The following ARHGAP39 variants were observed in gnomAD, a reference collection of about 807,000 sequenced individuals.
The protein encoded by ARHGAP39 is rho GTPase-activating protein 39.
Under a neutral mutation model 106.9 loss-of-function variants are expected in ARHGAP39, and 44 were observed. The ratio of observed to expected loss-of-function variants is 0.41; its 90% CI spans 0.32 to 0.53. The LOEUF is 0.53. Ranked by LOEUF, ARHGAP39 falls within the 20% of genes least tolerant of loss-of-function variation. The pLI is 0.21. For synonymous variants in ARHGAP39, 768 were observed against 693.2 expected, an observed-to-expected ratio of 1.11 and a Z score of -1.69; for missense variants, 1,496 against 1,577.3, an observed-to-expected ratio of 0.95 and a Z score of 0.87.
At chr8:144,615,571 T>C (rs1820613907) in intron 1 of ARHGAP39, among the ~76,000 whole-genome samples, 1 of 152,248 alleles carries the variant, frequency 6.6e-6, no homozygotes, top group South Asian at 2.1e-4. Context: ...GGCTATTCCT[T>C]AGGCCCATTG....
chr8:144,600,982 G>C (rs1247287802), intron 2 of ARHGAP39, among the ~76,000 whole-genome samples: 1 of 149,056 alleles, frequency 6.7e-6, no homozygotes, highest in Middle Eastern at 3.5e-3. Context: ...GCGTGGAGGT[G>C]TGTGTGCGAG....
In ARHGAP39 at chr8:144,646,965, ATTTTTTT is replaced by A. The variant is rs1174032022; in HGVS notation, c.-82+38714_-82+38720del. ...TGGAGGCATCTGCTCTGCTCTGACC[ATTTTTTT>A]TTTTTTTTTTTTTTTGAGACAGAGT... is the stretch of plus-strand genomic sequence containing the variant. On this transcript the variant is annotated intron_variant, in intron 1 of 11. Transcript: ENST00000377307. This position sits in a 1 kb window ranked among gnomAD's most constrained non-coding sequence, Gnocchi z 5.7. 8.7e-6 allele frequency among the ~76,000 whole-genome samples: 1 copy of A among 114,638 alleles called. No individual in the cohort carries two copies. The highest frequency in any genetic ancestry group is 1.8e-5 in the Non-Finnish European group (1 of 54,576). The allele number at this position is 114,638 out of a possible 152,430, so 75.2% of individuals were successfully genotyped here.
Position 144,548,534 on chromosome 8 carries a change from T to C in ARHGAP39, c.597-45A>G. On this transcript the variant is annotated intron_variant, in intron 4 of 11. Coordinates refer to ENST00000377307, the MANE Select transcript of ARHGAP39 (RefSeq NM_025251.3). The surrounding 1 kb of genome is among the most constrained non-coding windows in gnomAD (Gnocchi z 7.4). Reference sequence around the variant, plus strand: ...GCACAGGTGACTGCCTGCCTGCTGCTTCTGGGCACGCCCCACCCCCTCGGG... The same window carrying C: ...GCACAGGTGACTGCCTGCCTGCTGCCTCTGGGCACGCCCCACCCCCTCGGG... The C allele has an allele frequency of 6.3e-7, 1 of 1,583,570 alleles. No homozygotes were observed. Among genetic ancestry groups the C allele is most frequent in the Non-Finnish European group, 8.6e-7 (1 of 1,168,644 alleles).
rs1404493542 is a variant in ARHGAP39 at position 144,534,123 on chromosome 8, C to G, written c.2688+6G>C. On this transcript the variant is annotated splice_donor_region_variant and intron_variant, in intron 8 of 11. Coordinates refer to ENST00000377307, the MANE Select transcript of ARHGAP39 (RefSeq NM_025251.3). ...GCCCTCCCCGGCCCCCCAGGCGCACCCGTACCTTCTTGGCCCCGGTCAGGG... is the reference window on the plus strand; with the variant it reads ...GCCCTCCCCGGCCCCCCAGGCGCACGCGTACCTTCTTGGCCCCGGTCAGGG... The G allele has an allele frequency of 6.2e-7, 1 of 1,612,568 alleles. No homozygotes were observed. The highest frequency in any genetic ancestry group is 1.3e-5 in the African/African-American group (1 of 74,902).
At chr8:144,677,731 A>G (rs1378482581) in intron 1 of ARHGAP39, among the ~76,000 whole-genome samples, 2 of 152,264 alleles carry the variant, frequency 1.3e-5, no homozygotes, top group Non-Finnish European at 2.9e-5. Flanking sequence ...GTTACAAAGT[A>G]TCTCTAGAAG....
intron 1 of ARHGAP39, among the ~76,000 whole-genome samples, chr8:144,651,424 C>T (rs141388180): frequency 2.0e-5 from 3 of 152,288 alleles, no homozygotes; most frequent in South Asian, 2.1e-4. Flanking sequence ...CATATGCAGC[C>T]GGGCACAGTG....
intron 6 of ARHGAP39, among the ~76,000 whole-genome samples, chr8:144,541,304 G>A (rs1817182554): frequency 6.6e-6 from 1 of 152,194 alleles, no homozygotes; most frequent in South Asian, 2.1e-4. Flanking sequence ...TTTACCGTTT[G>A]TGGTCCACAT....
In ARHGAP39 at chr8:144,591,941, G is replaced by C. The variant is rs1273884992; in HGVS notation, c.81-10664C>G. ...TGGGGAGTGGTGCCTGCAGGGAGTG[G>C]TGCCTGATCTCCTGTTCTCGCGTCA... On this transcript the variant is annotated intron_variant, in intron 2 of 11. Transcript: ENST00000377307. The surrounding 1 kb of genome is among the most constrained non-coding windows in gnomAD (Gnocchi z 5.3). 6.6e-6 allele frequency among the ~76,000 whole-genome samples: 1 copy of C among 152,136 alleles called. No homozygotes were observed. The highest frequency in any genetic ancestry group is 1.5e-5 in the Non-Finnish European group (1 of 68,018).
Position 144,542,677 on chromosome 8 carries a change from G to A in ARHGAP39, c.2521+2572C>T, listed in dbSNP as rs556549781. Reference sequence around the variant, plus strand: ...GTCTTGGCCGGGCACAATGGCTCACGCCTCTAATCCCAGCACTTTGGGAAA... The same window carrying A: ...GTCTTGGCCGGGCACAATGGCTCACACCTCTAATCCCAGCACTTTGGGAAA... On this transcript the variant is annotated intron_variant, in intron 6 of 11. Coordinates refer to ENST00000377307, the MANE Select transcript of ARHGAP39 (RefSeq NM_025251.3). 4.0e-4 allele frequency among the ~76,000 whole-genome samples: 46 copies of A among 114,546 alleles called. 1 individual carries two copies. Among genetic ancestry groups the A allele is most frequent in the African/African-American group, 1.5e-3 (45 of 29,248 alleles). The allele number at this position is 114,546 out of a possible 152,430, so 75.1% of individuals were successfully genotyped here. A position where few individuals can be genotyped will look rare whatever the true frequency, so the allele number is the denominator to read the frequency against.
At chr8:144,538,671 C>G (rs1260820006) in intron 6 of ARHGAP39, among the ~76,000 whole-genome samples, 1 of 152,110 alleles carries the variant, frequency 6.6e-6, no homozygotes, top group African/African-American at 2.4e-5. Context: ...CTCCCGGGTT[C>G]AAGAGATTCC....
At chr8:144,605,826 C>G in intron 1 of ARHGAP39, 131 bp from the exon 2 acceptor site, 1 of 589,154 alleles carries the variant, frequency 1.7e-6, no homozygotes, top group South Asian at 2.0e-5. Flanking sequence ...GAGCCGCCCC[C>G]GGGCAGCCAA....
chr8:144,629,482 G>C (rs1237713496), intron 1 of ARHGAP39, among the ~76,000 whole-genome samples: 1 of 152,266 alleles, frequency 6.6e-6, no homozygotes, highest in Non-Finnish European at 1.5e-5. Context: ...AGGCCAGCAG[G>C]AGTGGGGCTG....
intron 6 of ARHGAP39, among the ~76,000 whole-genome samples, chr8:144,544,499 C>T (rs1316263411): frequency 2.0e-5 from 3 of 152,128 alleles, no homozygotes; most frequent in Non-Finnish European, 4.4e-5. Context: ...TGTGTGTGTG[C>T]GCGTGCATTT....
chr8:144,553,180 G>A (rs1016567409), intron 4 of ARHGAP39, among the ~76,000 whole-genome samples: 2 of 152,170 alleles, frequency 1.3e-5, no homozygotes, highest in African/African-American at 4.8e-5. Flanking sequence ...CGGCCACAAT[G>A]GGACCCTGGC....
chr8:144,594,602 G>A lies in ARHGAP39; in HGVS notation c.80+10933C>T, dbSNP rs1279198429. On this transcript the variant is annotated intron_variant, in intron 2 of 11. Transcript: ENST00000377307. ...CTAGCTACTCGGGAGGCTGAGGAAG[G>A]AGAATCGCTCGAACCCGGGAGGCGG... is the stretch of plus-strand genomic sequence containing the variant. Among the ~76,000 whole-genome samples, 4 of 152,028 alleles carry A rather than the reference G, an allele frequency of 2.6e-5. No individual in the cohort carries two copies. In the East Asian group the frequency reaches 5.8e-4, roughly 22 times the overall value.
chr8:144,691,463 G>T, the ARHGAP39 span, among the ~76,000 whole-genome samples: 4 of 152,172 alleles, frequency 2.6e-5, no homozygotes, highest in African/African-American at 9.7e-5. Context: ...AGAGAACAGC[G>T]AAAGTGAGAC....
intron 3 of ARHGAP39, among the ~76,000 whole-genome samples, chr8:144,576,125 A>G (rs181923307): frequency 3.9e-5 from 6 of 151,928 alleles, no homozygotes; most frequent in African/African-American, 1.5e-4. Flanking sequence ...AGGTTAAGAG[A>G]TCGAGACCAG....
At chr8:144,544,447 G>A (rs1197463128) in intron 6 of ARHGAP39, among the ~76,000 whole-genome samples, 4 of 152,280 alleles carry the variant, frequency 2.6e-5, no homozygotes, top group African/African-American at 9.6e-5. Context: ...AACAGTCTAT[G>A]GCATGTCTGA....
In ARHGAP39 at chr8:144,547,072, T is replaced by A. The variant is rs558490187; in HGVS notation, c.1959+55A>T. 367 of 1,494,114 alleles carry A rather than the reference T, an allele frequency of 2.5e-4. No homozygotes were observed. The highest frequency in any genetic ancestry group is 2.4e-4 in the Non-Finnish European group (273 of 1,122,000). 92.6% of individuals were successfully genotyped at this position (1,494,114 alleles called of 1,614,324 possible). ...CCTGTGCCTGGCCCACGGGGTCCAC[T>A]CTGACTGGGCTGGCCCCAGGCTCTC... On this transcript the variant is annotated intron_variant, in intron 5 of 11. Coordinates refer to ENST00000377307, the MANE Select transcript of ARHGAP39 (RefSeq NM_025251.3). The surrounding 1 kb of genome is among the most constrained non-coding windows in gnomAD (Gnocchi z 5.2).
Sources: allele counts gnomAD v4.1 joint callset (sites outside exome capture counted in the v4.1 genomes callset), GRCh38; gene constraint gnomAD v4.1.1; non-coding constraint Gnocchi (gnomAD v3.1); transcripts MANE v1.5; gene names NCBI Gene and HGNC (gene_info 2026-07-23, HGNC 2026-07-21).